Variants in KLHL1 observed in about 807,000 individuals in gnomAD.
KLHL1 encodes the protein kelch like family member 1, also known as kelch-like protein 1.
In KLHL1, 47 loss-of-function variants were observed where a neutral mutation model predicts 77.7. The ratio of observed to expected loss-of-function variants is 0.60; its 90% CI spans 0.48 to 0.77. The LOEUF is 0.77. Among genes scored for constraint, KLHL1 ranks in the 30% least tolerant of loss-of-function variants. The probability of loss-of-function intolerance (pLI) is 0.00; values close to 1 mark genes in which losing one functional copy is unlikely to be tolerated. For missense variants in KLHL1, 925 were observed against 910.8 expected, an observed-to-expected ratio of 1.02 and a Z score of -0.20; for synonymous variants, 360 against 325.2, an observed-to-expected ratio of 1.11 and a Z score of -1.15.
chr13:70,024,354 T>C (rs888255217), intron 1 of KLHL1, among the ~76,000 whole-genome samples: 6 of 151,664 alleles, frequency 4.0e-5, no homozygotes, highest in African/African-American at 1.5e-4. Flanking sequence ...AAGACCTAGA[T>C]AGAAAGATAG....
chr13:69,742,514 T>C (rs760266230), intron 7 of KLHL1, among the ~76,000 whole-genome samples: 3 of 152,180 alleles, frequency 2.0e-5, no homozygotes, highest in African/African-American at 7.2e-5. Context: ...GTGTCAGGAA[T>C]TATTATTGGC....
At chr13:69,792,350 C>T (rs1312306027) in intron 7 of KLHL1, among the ~76,000 whole-genome samples, 1 of 152,064 alleles carries the variant, frequency 6.6e-6, no homozygotes, top group African/African-American at 2.4e-5. Context: ...TGCTTATAAA[C>T]CCACAATGAG....
chr13:70,097,034 G>T (rs143107734), intron 1 of KLHL1, among the ~76,000 whole-genome samples: 2 of 152,074 alleles, frequency 1.3e-5, no homozygotes, highest in African/African-American at 4.8e-5. Flanking sequence ...GGAGGTTATT[G>T]GAGGAAAAAT....
chr13:69,981,124 A>T (rs1224662141), intron 1 of KLHL1, among the ~76,000 whole-genome samples: 1 of 152,174 alleles, frequency 6.6e-6, no homozygotes, highest in Non-Finnish European at 1.5e-5. Flanking sequence ...TCCAGAGCTC[A>T]TGAGAAACAA....
intron 7 of KLHL1, among the ~76,000 whole-genome samples, chr13:69,778,688 C>T (rs950630523): frequency 2.0e-5 from 3 of 151,574 alleles, no homozygotes; most frequent in Non-Finnish European, 4.4e-5. Flanking sequence ...GGCACAAAAT[C>T]TCTATAACTG....
At chr13:69,866,182 G>A (rs371986979) in intron 5 of KLHL1, among the ~76,000 whole-genome samples, 2 of 152,026 alleles carry the variant, frequency 1.3e-5, no homozygotes, top group African/African-American at 4.8e-5. Flanking sequence ...GGCAAATTGA[G>A]AAGTTGTTTA....
intron 10 of KLHL1, among the ~76,000 whole-genome samples, chr13:69,703,950 A>G (rs1024765710): frequency 6.6e-6 from 1 of 151,592 alleles, no homozygotes; most frequent in Non-Finnish European, 1.5e-5. Context: ...ATTTTTAAGG[A>G]ACGCATGACT....
chr13:69,704,393 A>G (rs951705264), intron 10 of KLHL1, among the ~76,000 whole-genome samples: 1 of 151,704 alleles, frequency 6.6e-6, no homozygotes, highest in African/African-American at 2.4e-5. Flanking sequence ...CTCAGGTTAC[A>G]TAATGTAAAC....
intron 1 of KLHL1, among the ~76,000 whole-genome samples, chr13:70,031,993 G>A (rs1425528262): frequency 6.6e-6 from 1 of 152,128 alleles, no homozygotes; most frequent in African/African-American, 2.4e-5. Context: ...AGAAAGCCCT[G>A]GGGGTGAATC....
chr13:69,739,882 G>A (rs1167976609), intron 8 of KLHL1, among the ~76,000 whole-genome samples: 7 of 152,184 alleles, frequency 4.6e-5, no homozygotes, highest in East Asian at 3.9e-4. Flanking sequence ...ATATTTTTGC[G>A]TGTCACAATG....
At chr13:69,881,984 A>G (rs761725903) in intron 5 of KLHL1, among the ~76,000 whole-genome samples, 20 of 152,084 alleles carry the variant, frequency 1.3e-4, no homozygotes, top group Non-Finnish European at 2.8e-4. Flanking sequence ...ATGGATCTTC[A>G]CAAAACTTCT....
chr13:70,026,659 T>C (rs1885948695), intron 1 of KLHL1, among the ~76,000 whole-genome samples: 1 of 151,230 alleles, frequency 6.6e-6, no homozygotes, highest in African/African-American at 2.4e-5. Flanking sequence ...GGCTAGAAAT[T>C]CAAAGGTGAT....
intron 5 of KLHL1, among the ~76,000 whole-genome samples, chr13:69,850,218 C>T (rs1409944568): frequency 6.6e-6 from 1 of 151,488 alleles, no homozygotes; most frequent in Non-Finnish European, 1.5e-5. Flanking sequence ...ACTCTTCTTC[C>T]TGTAATTGAC....
At chr13:70,075,324 G>T (rs1160338361) in intron 1 of KLHL1, among the ~76,000 whole-genome samples, 3 of 151,066 alleles carry the variant, frequency 2.0e-5, no homozygotes, top group East Asian at 1.9e-4. Flanking sequence ...TTAAAAATTT[G>T]TCTGGAAAAA....
intron 1 of KLHL1, among the ~76,000 whole-genome samples, chr13:70,065,291 C>A (rs1165722434): frequency 1.3e-5 from 2 of 151,898 alleles, no homozygotes; most frequent in African/African-American, 4.8e-5. Context: ...ATTTCATATC[C>A]CTGGGTGACT....
chr13:69,992,851 A>C (rs1227119287), intron 1 of KLHL1, among the ~76,000 whole-genome samples: 1 of 151,978 alleles, frequency 6.6e-6, no homozygotes, highest in Non-Finnish European at 1.5e-5. Flanking sequence ...AAATTAGTGA[A>C]GAAAGGCATA....
chr13:69,776,846 T>A (rs1875853292), intron 7 of KLHL1, among the ~76,000 whole-genome samples: 1 of 152,192 alleles, frequency 6.6e-6, no homozygotes, highest in South Asian at 2.1e-4. Flanking sequence ...GCTCTTTCTG[T>A]GTGATTTACC....
chr13:70,078,072 A>C (rs299525), intron 1 of KLHL1, among the ~76,000 whole-genome samples: 110,687 of 151,598 alleles, frequency 0.73, 40,471 homozygotes, highest in East Asian at 0.88. Flanking sequence ...TTTATTTTTT[A>C]TTTTTTCTGC....
At chr13:69,733,010 T>G (rs1375776700) in intron 8 of KLHL1, among the ~76,000 whole-genome samples, 1 of 152,140 alleles carries the variant, frequency 6.6e-6, no homozygotes, top group African/African-American at 2.4e-5. Context: ...GTGAGTTGAT[T>G]AAATTACAAT....
Sources: gnomAD v4.1 joint callset for allele counts (sites outside exome capture counted in the v4.1 genomes callset) on GRCh38, gnomAD v4.1.1 for gene constraint, MANE v1.5 for transcripts, NCBI Gene and HGNC (gene_info 2026-07-23, HGNC 2026-07-21) for gene names.